Variants in ZFYVE28 observed in about 807,000 individuals in gnomAD.
ZFYVE28 encodes the protein lateral signaling target protein 2 homolog.
Under a neutral mutation model 82.1 loss-of-function variants are expected in ZFYVE28, and 40 were observed. That is an observed-to-expected ratio of 0.49 (90% CI 0.38 to 0.63). The LOEUF is 0.63. Among genes scored for constraint, ZFYVE28 ranks in the 30% least tolerant of loss-of-function variants. The pLI is 0.00. For missense variants in ZFYVE28, 1,321 were observed against 1,242.1 expected, an observed-to-expected ratio of 1.06 and a Z score of -0.96; for synonymous variants, 612 against 546.1, an observed-to-expected ratio of 1.12 and a Z score of -1.68.
intron 1 of ZFYVE28, among the ~76,000 whole-genome samples, chr4:2,365,165 G>A (rs1277759537): frequency 6.8e-6 from 1 of 147,666 alleles, no homozygotes. Context: ...CGGGGAGGGG[G>A]CAGGGGAGGC....
intron 8 of ZFYVE28, among the ~76,000 whole-genome samples, chr4:2,292,290 C>T (rs1038031421): frequency 1.3e-5 from 2 of 152,246 alleles, no homozygotes; most frequent in Non-Finnish European, 2.9e-5. Context: ...GCTGGCAAAG[C>T]TCCCTACATC....
At chr4:2,283,114 A>ATCCATCCATCCATCCC (rs1553815040) in intron 8 of ZFYVE28, among the ~76,000 whole-genome samples, 5 of 150,168 alleles carry the variant, frequency 3.3e-5, no homozygotes, top group African/African-American at 1.2e-4. Context: ...CCATCCATCC[A>ATCCATCCATCCATCCC]CCCACCCACC....
At chr4:2,353,866 A>G (rs904921287) in intron 2 of ZFYVE28, 67 bp downstream of exon 2, 3 of 1,358,358 alleles carry the variant, frequency 2.2e-6, no homozygotes, top group South Asian at 1.9e-5. Flanking sequence ...GCCTTGGTCT[A>G]CTGAGGACAG....
chr4:2,275,184 C>T (rs372249116), intron 8 of ZFYVE28, among the ~76,000 whole-genome samples: 8 of 152,160 alleles, frequency 5.3e-5, no homozygotes, highest in African/African-American at 1.7e-4. Flanking sequence ...AGGGACCCTC[C>T]GTGCATGGGG....
chr4:2,280,281 G>A (rs894416464), intron 8 of ZFYVE28, among the ~76,000 whole-genome samples: 4 of 152,210 alleles, frequency 2.6e-5, no homozygotes, highest in African/African-American at 9.6e-5. Flanking sequence ...GCTGAGGCGG[G>A]AGGATCACTT....
intron 1 of ZFYVE28, among the ~76,000 whole-genome samples, chr4:2,413,996 T>C (rs547876894): frequency 2.8e-4 from 42 of 152,160 alleles, no homozygotes; most frequent in Non-Finnish European, 5.0e-4. Context: ...GGGCTGCGCC[T>C]CATCTCTGCA....
chr4:2,365,914 A>G (rs954587406), intron 1 of ZFYVE28, among the ~76,000 whole-genome samples: 1 of 152,122 alleles, frequency 6.6e-6, no homozygotes, highest in Non-Finnish European at 1.5e-5. Context: ...CCCTCTACCT[A>G]CAGGAGGGGT....
At chr4:2,375,462 C>T (rs781430087) in intron 1 of ZFYVE28, among the ~76,000 whole-genome samples, 4 of 152,220 alleles carry the variant, frequency 2.6e-5, no homozygotes, top group Non-Finnish European at 4.4e-5. Context: ...GATAAAGTCA[C>T]GACTTGGTGA....
rs1472946906 is a variant in ZFYVE28 at position 2,394,779 on chromosome 4, G to T, written c.39+23506C>A. Among the ~76,000 whole-genome samples the T allele has an allele frequency of 6.6e-6, 1 of 152,238 alleles. No homozygotes were observed. The highest frequency in any genetic ancestry group is 1.5e-5 in the Non-Finnish European group (1 of 68,046). On this transcript the variant is annotated intron_variant, in intron 1 of 12. Coordinates refer to ENST00000290974, the MANE Select transcript of ZFYVE28 (RefSeq NM_020972.3). This position sits in a 1 kb window ranked among gnomAD's most constrained non-coding sequence, Gnocchi z 4.0. ...GCGTGCTTCCATTACACTGTCGGCG[G>T]TCAGAGGCGTCCTCGTCCTTGCAGC...
rs1378228928 is a variant in ZFYVE28, at chr4:2,396,151, A to G, written c.39+22134T>C. 7.2e-4 allele frequency among the ~76,000 whole-genome samples: 44 copies of G among 61,022 alleles called. 1 individual carries two copies. Among genetic ancestry groups the G allele is most frequent in the Admixed American group, 1.2e-3 (6 of 4,992 alleles). The allele number at this position is 61,022 out of a possible 152,430, so 40.0% of individuals were successfully genotyped here. A position where few individuals can be genotyped will look rare whatever the true frequency, so the allele number is the denominator to read the frequency against. On this transcript the variant is annotated intron_variant, in intron 1 of 12. Coordinates refer to ENST00000290974, the MANE Select transcript of ZFYVE28 (RefSeq NM_020972.3). ...GCGGGGTGTCTGAGCTGATGGGACCAGCCATCCTGCAGAGGGGACACAAGG... is the reference window on the plus strand; with the variant it reads ...GCGGGGTGTCTGAGCTGATGGGACCGGCCATCCTGCAGAGGGGACACAAGG...
rs1439703534 is a variant in ZFYVE28 at position 2,356,405 on chromosome 4, CCCCCCGGCAGTTGGTGTGCCCGCCCCCT to C, written c.40-2360_40-2333del. ...AGAGCAAGACAGACCCAGACCCCGC[CCCCCCGGCAGTTGGTGTGCCCGCCCCCT>C]CCCCGGCCGTTGATGTGCCTGCCCC... On this transcript the variant is annotated intron_variant, in intron 1 of 12. Transcript: ENST00000290974. Among the ~76,000 whole-genome samples, 1,071 of 149,530 alleles carry C rather than the reference CCCCCCGGCAGTTGGTGTGCCCGCCCCCT, an allele frequency of 7.2e-3. 12 individuals carry two copies. Among genetic ancestry groups the C allele is most frequent in the African/African-American group, 0.025 (1,013 of 41,088 alleles).
intron 2 of ZFYVE28, among the ~76,000 whole-genome samples, chr4:2,344,825 G>A (rs1723291034): frequency 6.6e-6 from 1 of 152,206 alleles, no homozygotes; most frequent in Non-Finnish European, 1.5e-5. Context: ...GAACCTGGGA[G>A]GTGGAGATTG....
chr4:2,315,328 C>T (rs1003954103), intron 7 of ZFYVE28, among the ~76,000 whole-genome samples: 2 of 152,150 alleles, frequency 1.3e-5, no homozygotes, highest in African/African-American at 2.4e-5. Context: ...CTCTGTTGCC[C>T]AGGCTAGAAA....
At chr4:2,293,122 C>A (rs1189816350) in intron 8 of ZFYVE28, among the ~76,000 whole-genome samples, 2 of 150,776 alleles carry the variant, frequency 1.3e-5, no homozygotes, top group Admixed American at 6.6e-5. Flanking sequence ...AACCTCTTAG[C>A]AAATTAGGAA....
intron 2 of ZFYVE28, 56 bp downstream of exon 2, chr4:2,353,877 G>T: frequency 2.2e-6 from 3 of 1,393,500 alleles, no homozygotes; most frequent in Non-Finnish European, 2.8e-6. Context: ...CTGAGGACAG[G>T]CCACTCTGTC....
At chr4:2,271,010 GC>G (rs1735858165) in intron 12 of ZFYVE28, 154 bp from the exon 13 acceptor site, 2 of 1,173,890 alleles carry the variant, frequency 1.7e-6, no homozygotes, top group Non-Finnish European at 2.4e-6. Flanking sequence ...CCTTCAGGAG[GC>G]TGGACTCTAT....
At chr4:2,333,319 C>T (rs1721028590) in intron 6 of ZFYVE28, among the ~76,000 whole-genome samples, 1 of 147,480 alleles carries the variant, frequency 6.8e-6, no homozygotes, top group East Asian at 2.0e-4. Context: ...CCCTGATCCC[C>T]CAGCCCCCGC....
chr4:2,347,148 A>G (rs1723719910), intron 2 of ZFYVE28, among the ~76,000 whole-genome samples: 1 of 152,196 alleles, frequency 6.6e-6, no homozygotes, highest in Non-Finnish European at 1.5e-5. Context: ...TGAATACTGA[A>G]GTAGGTTTCA....
rs117577106 is a variant in ZFYVE28 at position 2,277,998 on chromosome 4, C to T, written c.2052-3782G>A. Among the ~76,000 whole-genome samples, 491 of 152,194 alleles carry T rather than the reference C, an allele frequency of 3.2e-3. 17 individuals are homozygous for T. In the East Asian group the frequency reaches 0.083, roughly 26 times the overall value. On this transcript the variant is annotated intron_variant, in intron 8 of 12. Coordinates refer to ENST00000290974, the MANE Select transcript of ZFYVE28 (RefSeq NM_020972.3). ...GGACCGACATACAGACCAATGAGACCGAGAGTCCGCAAAGAAACCCATATG... is the reference window on the plus strand; with the variant it reads ...GGACCGACATACAGACCAATGAGACTGAGAGTCCGCAAAGAAACCCATATG...
Sources: gnomAD v4.1 joint callset for allele counts (sites outside exome capture counted in the v4.1 genomes callset) on GRCh38, gnomAD v4.1.1 for gene constraint, Gnocchi (gnomAD v3.1) non-coding constraint, MANE v1.5 for transcripts, NCBI Gene and HGNC (gene_info 2026-07-23, HGNC 2026-07-21) for gene names.